DLG2: variants seen among roughly 807,000 people sequenced by gnomAD.
DLG2 encodes disks large homolog 2.
In DLG2, 45 loss-of-function variants were observed where a neutral mutation model predicts 132.5. The observed-to-expected ratio is 0.34, with a 90% CI of 0.27 to 0.44. DLG2 has a LOEUF of 0.44. Ranked by LOEUF, DLG2 falls within the 20% of genes least tolerant of loss-of-function variation. The pLI is 1.00. For synonymous variants in DLG2, 424 were observed against 419.6 expected, an observed-to-expected ratio of 1.01 and a Z score of -0.13; for missense variants, 1,045 against 1,196.9, an observed-to-expected ratio of 0.87 and a Z score of 1.87.
At chr11:84,108,681 T>C (rs959031711) in intron 9 of DLG2, among the ~76,000 whole-genome samples, 2 of 152,054 alleles carry the variant, frequency 1.3e-5, no homozygotes, top group Non-Finnish European at 2.9e-5. Flanking sequence ...CAGTAAGTTT[T>C]TGGGTCATAA....
intron 7 of DLG2, among the ~76,000 whole-genome samples, chr11:84,481,531 C>T (rs956800870): frequency 1.3e-5 from 2 of 152,158 alleles, no homozygotes; most frequent in Non-Finnish European, 1.5e-5. Context: ...AAGGGCCATA[C>T]GTAGTATCAC....
chr11:84,527,132 T>C (rs1184294879), intron 7 of DLG2, among the ~76,000 whole-genome samples: 1 of 152,148 alleles, frequency 6.6e-6, no homozygotes, highest in Admixed American at 6.5e-5. Flanking sequence ...TACTGTATAG[T>C]TCAACAAATA....
At chr11:85,030,314 C>T (rs942587571) in intron 6 of DLG2, among the ~76,000 whole-genome samples, 5 of 152,172 alleles carry the variant, frequency 3.3e-5, no homozygotes, top group African/African-American at 1.2e-4. Context: ...TTTCCACTGA[C>T]TATTGACTCT....
At position 83,717,720 on chromosome 11, in the gene DLG2, A is replaced by C. The variant is rs754538614; in HGVS notation, c.1825+68970T>G. ...GAAATATCCTACAAATAGATGATGC[A>C]ATGCAAGCCAGCCCCTCTCTGGTAA... On this transcript the variant is annotated intron_variant, in intron 18 of 27. Transcript: ENST00000376104. Among the ~76,000 whole-genome samples, 14 of 152,208 alleles carry C rather than the reference A, an allele frequency of 9.2e-5. 1 individual carries two copies. The highest frequency in any genetic ancestry group is 1.0e-4 in the Non-Finnish European group (7 of 68,030).
chr11:83,975,419 A>G (rs1048862970), intron 12 of DLG2, among the ~76,000 whole-genome samples: 6 of 151,984 alleles, frequency 3.9e-5, no homozygotes, highest in Non-Finnish European at 8.8e-5. Flanking sequence ...TAAAAATATT[A>G]TTTTGCTAAA....
chr11:84,747,401 AG>A, intron 6 of DLG2, among the ~76,000 whole-genome samples: 1 of 152,332 alleles, frequency 6.6e-6, no homozygotes, highest in Non-Finnish European at 1.5e-5. Context: ...ATTATACCAA[AG>A]GAAACAATTT....
At chr11:84,521,235 TA>T (rs2099298756) in intron 7 of DLG2, among the ~76,000 whole-genome samples, 1 of 152,176 alleles carries the variant, frequency 6.6e-6, no homozygotes, top group African/African-American at 2.4e-5. Flanking sequence ...AAAATTGGCA[TA>T]AACAAATAAT....
In DLG2 at chr11:85,241,945, G is replaced by T. The variant is rs79912155; in HGVS notation, c.186+43275C>A. On this transcript the variant is annotated intron_variant, in intron 4 of 27. Transcript: ENST00000376104. ...TGTCTCATAAATCCATAAATTATAG[G>T]TTTGTTTACCATAAGCAATCCTAAC... Among the ~76,000 whole-genome samples, 310 of 152,024 alleles carry T rather than the reference G, an allele frequency of 2.0e-3. 1 individual carries two copies. Among genetic ancestry groups the T allele is most frequent in the African/African-American group, 7.2e-3 (297 of 41,538 alleles).
intron 9 of DLG2, among the ~76,000 whole-genome samples, chr11:84,162,173 A>T (rs2095560620): frequency 6.6e-6 from 1 of 152,182 alleles, no homozygotes; most frequent in African/African-American, 2.4e-5. Flanking sequence ...TAAATGTGGT[A>T]TGCGTTTATC....
At chr11:84,302,462 T>G (rs946511976) in intron 7 of DLG2, among the ~76,000 whole-genome samples, 3 of 152,210 alleles carry the variant, frequency 2.0e-5, no homozygotes, top group African/African-American at 7.2e-5. Flanking sequence ...GTTATATTCT[T>G]AACTTCTCAC....
At chr11:84,163,563 G>A (rs899104330) in intron 8 of DLG2, 52 bp from the exon 9 acceptor site, 6 of 1,440,818 alleles carry the variant, frequency 4.2e-6, no homozygotes, top group Non-Finnish European at 4.8e-6. Flanking sequence ...TGTTGAGGAG[G>A]AGACAGCTGC....
In DLG2 at chr11:84,314,136, G is replaced by C. The variant is rs539302049; in HGVS notation, c.520-62845C>G. On this transcript the variant is annotated intron_variant, in intron 7 of 27. Coordinates refer to ENST00000376104, the MANE Select transcript of DLG2 (RefSeq NM_001142699.3). ...TGGAAATCACACTGCTGAGTTCCAC[G>C]TAATACTGCAAATATCTCCGAGGGC... 5.3e-5 allele frequency among the ~76,000 whole-genome samples: 8 copies of C among 152,296 alleles called. No individual in the cohort carries two copies. The South Asian group carries it at 1.7e-3, about 32-fold the overall frequency.
At chr11:85,035,238 A>C (rs2061347830) in intron 6 of DLG2, among the ~76,000 whole-genome samples, 1 of 152,244 alleles carries the variant, frequency 6.6e-6, no homozygotes, top group African/African-American at 2.4e-5. Flanking sequence ...AGATTGAAAC[A>C]GCAGATAGAA....
chr11:84,443,909 T>G (rs768156695), intron 7 of DLG2, among the ~76,000 whole-genome samples: 1 of 152,082 alleles, frequency 6.6e-6, no homozygotes, highest in Non-Finnish European at 1.5e-5. Flanking sequence ...TGTTTTATGT[T>G]TACATTTTTA....
At chr11:83,791,718 G>A in intron 17 of DLG2, 1 of 225,264 alleles carries the variant, frequency 4.4e-6, no homozygotes. Context: ...CAGATCGCTT[G>A]AGCCCAGGAG....
At chr11:84,385,036 A>G (rs899385511) in intron 7 of DLG2, among the ~76,000 whole-genome samples, 4 of 152,124 alleles carry the variant, frequency 2.6e-5, no homozygotes, top group Non-Finnish European at 4.4e-5. Context: ...ATGTGTATTT[A>G]AAGAAAAACT....
intron 3 of DLG2, among the ~76,000 whole-genome samples, chr11:85,583,130 G>GTATATATATATATATATATATA (rs3068386): frequency 7.4e-5 from 1 of 13,596 alleles, no homozygotes; most frequent in Non-Finnish European, 1.6e-4. Context: ...GTGTGTGTGT[G>GTATATATATATATATATATATA]TATATATATA....
At chr11:83,832,368 G>A (rs190516627) in intron 17 of DLG2, among the ~76,000 whole-genome samples, 5 of 152,258 alleles carry the variant, frequency 3.3e-5, no homozygotes, top group East Asian at 1.9e-4. Context: ...CTCCAAATTC[G>A]TCATAAGTAT....
chr11:84,419,267 A>C (rs2098940442), intron 7 of DLG2, among the ~76,000 whole-genome samples: 1 of 152,200 alleles, frequency 6.6e-6, no homozygotes. Flanking sequence ...TTGAAATTAA[A>C]ATCCATTTAA....
Sources: gnomAD v4.1 joint callset for allele counts (sites outside exome capture counted in the v4.1 genomes callset) on GRCh38, gnomAD v4.1.1 for gene constraint, MANE v1.5 for transcripts, NCBI Gene and HGNC (gene_info 2026-07-23, HGNC 2026-07-21) for gene names.